SNAPC5: variants seen among roughly 807,000 people sequenced by gnomAD.
SNAPC5 encodes the protein snRNA-activating protein complex subunit 5.
Under a neutral mutation model 9.1 loss-of-function variants are expected in SNAPC5, and 12 were observed. The observed-to-expected ratio is 1.32, with a 90% confidence interval of 0.85 to 2.15. The LOEUF (loss-of-function observed/expected upper bound fraction) is 2.15, where lower values mean the gene tolerates loss of function less well. Ranked by LOEUF, SNAPC5 falls within the 30% of genes most tolerant of loss-of-function variation. The pLI, the probability that SNAPC5 is intolerant of heterozygous loss-of-function variation, is 0.00. For missense variants in SNAPC5, 132 were observed against 114.4 expected (o/e 1.15, Z -0.70); for synonymous variants, 52 against 47.3 (o/e 1.10, Z -0.41).
chr15:66,490,967 A>G (rs1012232852), downstream of SNAPC5: 18 of 436,360 alleles, frequency 4.1e-5, no homozygotes, highest in East Asian at 6.9e-4. Context: ...GTCTGCCTGT[A>G]TTTTCGGGAT....
Position 66,494,180 on chromosome 15 carries a change from C to A in SNAPC5, c.*256G>T. 2.8e-6 allele frequency: 1 copy of A among 362,722 alleles called. No individual in the cohort carries two copies. The highest frequency in any genetic ancestry group is 5.0e-6 in the Non-Finnish European group (1 of 198,796). The allele number at this position is 362,722 out of a possible 1,614,324, so 22.5% of individuals were successfully genotyped here. A position where few individuals can be genotyped will look rare whatever the true frequency, so the allele number is the denominator to read the frequency against. ...TTTTGTTCTGAACAGTTAACTGAATCTGACCAGATTACAGACAGCACCACC... is the reference window on the plus strand; with the variant it reads ...TTTTGTTCTGAACAGTTAACTGAATATGACCAGATTACAGACAGCACCACC... On this transcript the variant is annotated 3_prime_UTR_variant, in exon 3 of 3. Transcript: ENST00000316634.
chr15:66,494,223 A>C lies in SNAPC5; in HGVS notation c.*213T>G, dbSNP rs910891535. The C allele has an allele frequency of 5.1e-6, 3 of 592,428 alleles. No homozygotes were observed. The highest frequency in any genetic ancestry group is 5.2e-5 in the Admixed American group (2 of 38,802). 36.7% of individuals were successfully genotyped at this position (592,428 alleles called of 1,614,324 possible). On this transcript the variant is annotated 3_prime_UTR_variant, in exon 3 of 3. Coordinates refer to ENST00000316634, the MANE Select transcript of SNAPC5 (RefSeq NM_001329615.2). Reference sequence around the variant, plus strand: ...GCACCACCCATATTACTCAATGCTAAGACACAGCATCTTTGATTTTCTGTA... The same window carrying C: ...GCACCACCCATATTACTCAATGCTACGACACAGCATCTTTGATTTTCTGTA...
chr15:66,490,273 A>C (rs1358424305), downstream of SNAPC5: 2 of 667,828 alleles, frequency 3.0e-6, no homozygotes, highest in Non-Finnish European at 5.5e-6. Flanking sequence ...TCCATACTGC[A>C]CGAGTAGGCT....
At chr15:66,491,494 C>T (rs912813559), downstream of SNAPC5, 2 of 206,110 alleles carry the variant, frequency 9.7e-6, no homozygotes, top group Non-Finnish European at 2.0e-5. Context: ...CAAATCTAAT[C>T]TCTTATTCTA....
downstream of SNAPC5, chr15:66,492,371 TGG>T (rs1893282753): frequency 5.1e-6 from 1 of 196,034 alleles, no homozygotes; most frequent in African/African-American, 2.4e-5. Context: ...TACCAGAGCT[TGG>T]GATATTGCCA....
Position 66,494,544 on chromosome 15 carries a change from C to G in SNAPC5, c.189G>C (p.Val63=). 1.2e-6 allele frequency: 2 copies of G among 1,612,574 alleles called. No homozygotes were observed. Among genetic ancestry groups the G allele is most frequent in the Non-Finnish European group, 1.7e-6 (2 of 1,178,698 alleles). Residue 63 remains valine, a synonymous_variant, in exon 3 of 3, where the codon GTG becomes GTC. Transcript: ENST00000316634. ...TGATTGATGCTTCATTGTCTACATG[C>G]ACCAACATCTGTATTGGCCAAGGGC... ...TVPEQSHDML[V]HVDNEASINQ...
downstream of SNAPC5, chr15:66,490,314 C>T: frequency 1.4e-6 from 1 of 699,606 alleles, no homozygotes; most frequent in Non-Finnish European, 2.6e-6. Flanking sequence ...GGCCTCACAG[C>T]TGCTGTGACT....
chr15:66,496,203 C>A (rs972436793), intron 1 of SNAPC5, among the ~76,000 whole-genome samples: 1 of 152,184 alleles, frequency 6.6e-6, no homozygotes, highest in Non-Finnish European at 1.5e-5. Flanking sequence ...CAGTGGCTCA[C>A]GCCTGTAATC....
intron 1 of SNAPC5, 70 bp downstream of exon 1, chr15:66,497,572 A>G (rs763854476): frequency 7.2e-7 from 1 of 1,382,924 alleles, no homozygotes; most frequent in Non-Finnish European, 1.0e-6. Flanking sequence ...GTCACCACAG[A>G]GGCCCAGGTT....
At chr15:66,490,114 TC>T (rs1349377259), downstream of SNAPC5, 2 of 522,424 alleles carry the variant, frequency 3.8e-6, no homozygotes, top group Non-Finnish European at 6.9e-6. Flanking sequence ...GCCTGCTGTC[TC>T]GTTTGGTGGC....
At position 66,494,249 on chromosome 15, in the gene SNAPC5, T is replaced by C; in HGVS notation, c.*187A>G. On this transcript the variant is annotated 3_prime_UTR_variant, in exon 3 of 3. Transcript: ENST00000316634. ...GACACAGCATCTTTGATTTTCTGTA[T>C]GTCATAACATTCTGAAGCTTGAGTT... is the stretch of plus-strand genomic sequence containing the variant. The C allele has an allele frequency of 3.2e-6, 2 of 624,444 alleles. No individual in the cohort carries two copies. Among genetic ancestry groups the C allele is most frequent in the Non-Finnish European group, 5.8e-6 (2 of 346,536 alleles). The allele number at this position is 624,444 out of a possible 1,614,324, so 38.7% of individuals were successfully genotyped here. A position where few individuals can be genotyped will look rare whatever the true frequency, so the allele number is the denominator to read the frequency against.
At chr15:66,494,746 C>G (rs567188401) in intron 2 of SNAPC5, among the ~76,000 whole-genome samples, 194 bp from the exon 3 acceptor site, 1 of 152,346 alleles carries the variant, frequency 6.6e-6, no homozygotes, top group African/African-American at 2.4e-5. Flanking sequence ...GCCCCAGATT[C>G]AGTAGAATGT....
chr15:66,497,251 A>T (rs1415304581), intron 1 of SNAPC5, among the ~76,000 whole-genome samples: 4 of 152,054 alleles, frequency 2.6e-5, no homozygotes, highest in Non-Finnish European at 1.5e-5. Context: ...GCCAAAACAA[A>T]CTAGAAAACA....
downstream of SNAPC5, among the ~76,000 whole-genome samples, chr15:66,493,094 GC>G (rs35738876): frequency 0.033 from 5,093 of 152,262 alleles, 133 homozygotes; most frequent in Non-Finnish European, 0.048. Flanking sequence ...TCTAAAAGCA[GC>G]TCAAAATAAC....
chr15:66,490,449 TTTG>T, downstream of SNAPC5: 1 of 1,323,804 alleles, frequency 7.6e-7, no homozygotes, highest in Non-Finnish European at 1.1e-6. Flanking sequence ...CCTGGTGGGT[TTTG>T]TTTTTTTGTT....
intron 1 of SNAPC5, 142 bp downstream of exon 1, chr15:66,497,500 G>C: frequency 1.3e-6 from 1 of 766,126 alleles, no homozygotes; most frequent in Non-Finnish European, 2.4e-6. Flanking sequence ...CTGTTTGTTT[G>C]TAAACCTCTA....
rs185398209 is a variant in SNAPC5, at chr15:66,494,617, A to G, written c.181-65T>C. 6 of 1,123,946 alleles carry G rather than the reference A, an allele frequency of 5.3e-6. No individual in the cohort carries two copies. The African/African-American group carries it at 9.2e-5, about 17-fold the overall frequency. The allele number at this position is 1,123,946 out of a possible 1,614,324, so 69.6% of individuals were successfully genotyped here. A position where few individuals can be genotyped will look rare whatever the true frequency, so the allele number is the denominator to read the frequency against. On this transcript the variant is annotated intron_variant, in intron 2 of 2. Transcript: ENST00000316634. ...GCTGGCCTCAAAACAGCAAATTCTT[A>G]AAAATGACTTAAAATCAGATCTCAA...
downstream of SNAPC5, chr15:66,491,159 GT>G: frequency 3.6e-6 from 1 of 280,196 alleles, no homozygotes; most frequent in Non-Finnish European, 6.8e-6. Context: ...GAACTCAGCA[GT>G]TGACATCCAA....
intron 2 of SNAPC5, chr15:66,494,903 T>G (rs1440170153): frequency 9.8e-6 from 3 of 307,688 alleles, no homozygotes; most frequent in Non-Finnish European, 1.2e-5. Context: ...GCTGACTTAC[T>G]TGAGGGCATT....
Sources: gnomAD v4.1 joint callset for allele counts (sites outside exome capture counted in the v4.1 genomes callset) on GRCh38, gnomAD v4.1.1 for gene constraint, MANE v1.5 for transcripts, NCBI Gene and HGNC (gene_info 2026-07-23, HGNC 2026-07-21) for gene names.